Variants in NAALADL2 observed in about 807,000 individuals in gnomAD.
NAALADL2 encodes the protein N-acetylated alpha-linked acidic dipeptidase like 2, also known as inactive N-acetylated-alpha-linked acidic dipeptidase-like protein 2.
NAALADL2 carries 76 observed loss-of-function variants against 87.2 expected under a neutral mutation model. That is an observed-to-expected ratio of 0.87 (90% CI 0.72 to 1.05). The LOEUF (loss-of-function observed/expected upper bound fraction) is 1.05, where lower values mean the gene tolerates loss of function less well. Among genes scored for constraint, NAALADL2 ranks in the 50% least tolerant of loss-of-function variants. The pLI, the probability that NAALADL2 is intolerant of heterozygous loss-of-function variation, is 0.00. For synonymous variants in NAALADL2, 354 were observed against 331.0 expected, an observed-to-expected ratio of 1.07 and a Z score of -0.75; for missense variants, 1,089 against 945.8, an observed-to-expected ratio of 1.15 and a Z score of -1.99.
At chr3:175,393,199 G>A (rs539899101) in intron 5 of NAALADL2, among the ~76,000 whole-genome samples, 15 of 139,918 alleles carry the variant, frequency 1.1e-4, no homozygotes, top group Middle Eastern at 4.0e-3. Context: ...GCGTGAACCC[G>A]GGAAGCGGAG....
At chr3:175,200,771 C>A (rs1739902469) in intron 2 of NAALADL2, among the ~76,000 whole-genome samples, 1 of 152,172 alleles carries the variant, frequency 6.6e-6, no homozygotes. Flanking sequence ...CTCTTTCCTG[C>A]AAACTTTTCT....
chr3:175,257,709 T>C (rs374045839), intron 4 of NAALADL2, among the ~76,000 whole-genome samples: 11 of 152,270 alleles, frequency 7.2e-5, no homozygotes, highest in African/African-American at 2.6e-4. Flanking sequence ...ACTGATTTTC[T>C]GAATATGCTA....
At chr3:175,781,405 CAT>C (rs1379167172) in intron 13 of NAALADL2, among the ~76,000 whole-genome samples, 4 of 152,018 alleles carry the variant, frequency 2.6e-5, no homozygotes, top group South Asian at 2.1e-4. Flanking sequence ...ATGCATGACT[CAT>C]GTGTTTGTAG....
At chr3:175,453,105 T>C (rs535394818) in intron 6 of NAALADL2, among the ~76,000 whole-genome samples, 7 of 152,146 alleles carry the variant, frequency 4.6e-5, no homozygotes, top group Non-Finnish European at 1.0e-4. Context: ...AAAAAGTGTT[T>C]TCTACTTTTT....
chr3:175,503,336 G>A (rs1308329646), intron 9 of NAALADL2, among the ~76,000 whole-genome samples: 2 of 152,084 alleles, frequency 1.3e-5, no homozygotes, highest in Admixed American at 6.6e-5. Context: ...CCACCGATGG[G>A]TATTTAGGTT....
chr3:174,456,474 C>G (rs1715844674), intron 1 of NAALADL2, among the ~76,000 whole-genome samples: 1 of 142,604 alleles, frequency 7.0e-6, no homozygotes, highest in South Asian at 2.2e-4. Context: ...AACTATACCA[C>G]AGGACAACAG....
chr3:174,914,063 CT>C (rs201995069), intron 1 of NAALADL2, among the ~76,000 whole-genome samples: 352 of 141,548 alleles, frequency 2.5e-3, no homozygotes, highest in Non-Finnish European at 3.0e-3. Context: ...CTTTTCTTTT[CT>C]TTTTTTTTTT....
chr3:175,516,016 T>A (rs755694879), intron 9 of NAALADL2, among the ~76,000 whole-genome samples: 9 of 152,216 alleles, frequency 5.9e-5, no homozygotes, highest in Non-Finnish European at 1.3e-4. Flanking sequence ...GTATAGTCTT[T>A]AGGGAAAACG....
chr3:174,879,609 G>A (rs1728933676), intron 1 of NAALADL2, among the ~76,000 whole-genome samples: 2 of 151,920 alleles, frequency 1.3e-5, no homozygotes, highest in Admixed American at 6.6e-5. Flanking sequence ...TTTTGTGTAA[G>A]TACTTGCTTC....
rs992310241 is a variant in NAALADL2 at position 174,745,821 on chromosome 3, A to G, written c.-9+8075A>G. Among the ~76,000 whole-genome samples, 5 of 152,194 alleles carry G rather than the reference A, an allele frequency of 3.3e-5. No homozygotes were observed. The East Asian group carries it at 9.6e-4, about 29-fold the overall frequency. On this transcript the variant is annotated intron_variant, in intron 3 of 3. Coordinates refer to the NAALADL2 transcript ENST00000434257. ...TTAATAAATGTAAGTCATCACATAA[A>G]CAGAACTAAAGACAAAAACCACATA...
intron 1 of NAALADL2, among the ~76,000 whole-genome samples, chr3:174,968,463 G>T (rs575287695): frequency 6.6e-6 from 1 of 151,974 alleles, no homozygotes; most frequent in African/African-American, 2.4e-5. Context: ...AAAGTGACTC[G>T]ATACAGGTTT....
intron 11 of NAALADL2, chr3:175,718,222 T>TGTTTTTTTTGGG: frequency 2.9e-6 from 3 of 1,051,558 alleles, no homozygotes; most frequent in Non-Finnish European, 2.7e-6. Context: ...TTTTTTTTTT[T>TGTTTTTTTTGGG]TGATTAGTTG....
chr3:175,307,418 C>T (rs961610503), intron 4 of NAALADL2, among the ~76,000 whole-genome samples: 3 of 151,900 alleles, frequency 2.0e-5, no homozygotes, highest in Admixed American at 1.3e-4. Context: ...AGTAAGTATA[C>T]GTATAGAAAT....
intron 2 of NAALADL2, among the ~76,000 whole-genome samples, chr3:174,582,880 A>G (rs995117624): frequency 1.4e-5 from 2 of 145,546 alleles, no homozygotes; most frequent in African/African-American, 5.2e-5. Context: ...CACTGCACCC[A>G]GCCCAGACTT....
intron 1 of NAALADL2, among the ~76,000 whole-genome samples, chr3:175,095,507 A>C (rs1720993355): frequency 6.6e-6 from 1 of 152,058 alleles, no homozygotes. Context: ...AATTCTAGTC[A>C]GAATTACAGT....
At chr3:174,897,841 C>T (rs1285161530) in intron 1 of NAALADL2, among the ~76,000 whole-genome samples, 4 of 138,054 alleles carry the variant, frequency 2.9e-5, no homozygotes, top group Admixed American at 1.4e-4. Context: ...CGGCCGGGCG[C>T]GGTGGCTCAC....
chr3:174,657,021 CTCTT>C (rs1306076621), intron 2 of NAALADL2, among the ~76,000 whole-genome samples: 36 of 149,778 alleles, frequency 2.4e-4, no homozygotes, highest in East Asian at 1.8e-3. Flanking sequence ...CTCTCTCTCT[CTCTT>C]TTTCTTTTCC....
chr3:175,171,864 T>C (rs991946750), intron 2 of NAALADL2, among the ~76,000 whole-genome samples: 1 of 152,100 alleles, frequency 6.6e-6, no homozygotes, highest in African/African-American at 2.4e-5. Context: ...TGTTAATCTC[T>C]TTTTAGTTGA....
chr3:175,317,849 A>G (rs551503137), intron 4 of NAALADL2, among the ~76,000 whole-genome samples: 41 of 152,316 alleles, frequency 2.7e-4, no homozygotes, highest in African/African-American at 9.9e-4. Context: ...AAACATATAT[A>G]GCTAGTAAGA....
Sources: gnomAD v4.1 joint callset for allele counts (sites outside exome capture counted in the v4.1 genomes callset) on GRCh38, gnomAD v4.1.1 for gene constraint, MANE v1.5 for transcripts, NCBI Gene and HGNC (gene_info 2026-07-23, HGNC 2026-07-21) for gene names.